CCDC126: variants seen among roughly 807,000 people sequenced by gnomAD.
CCDC126 encodes the protein coiled-coil domain-containing protein 126.
In CCDC126, 5 loss-of-function variants were observed where a neutral mutation model predicts 11.7. The observed-to-expected ratio is 0.43, with a 90% CI of 0.22 to 0.90. The LOEUF (loss-of-function observed/expected upper bound fraction) is 0.90. Among genes scored for constraint, CCDC126 ranks in the 40% least tolerant of loss-of-function variants. The pLI is 0.27. For synonymous variants in CCDC126, 60 were observed against 61.9 expected (o/e 0.97, Z 0.14); for missense variants, 150 against 163.1 (o/e 0.92, Z 0.44).
At chr7:23,599,324 G>A (rs933045308) in intron 2 of CCDC126, among the ~76,000 whole-genome samples, 7 of 152,088 alleles carry the variant, frequency 4.6e-5, no homozygotes, top group Non-Finnish European at 1.0e-4. Context: ...CCAACTGCCT[G>A]GTTTTCCCTG....
intron 3 of CCDC126, chr7:23,622,531 C>A: frequency 5.8e-6 from 3 of 512,900 alleles, no homozygotes; most frequent in South Asian, 4.5e-5. Flanking sequence ...CAACGATGGA[C>A]TGTCTGTATG....
At chr7:23,630,865 A>T (rs896564261) in intron 3 of CCDC126, among the ~76,000 whole-genome samples, 1 of 152,032 alleles carries the variant, frequency 6.6e-6, no homozygotes, top group Non-Finnish European at 1.5e-5. Context: ...GAAATCAATA[A>T]TGGAAAGATG....
At chr7:23,612,431 T>G (rs1260915553) in intron 3 of CCDC126, among the ~76,000 whole-genome samples, 1 of 118,734 alleles carries the variant, frequency 8.4e-6, no homozygotes, top group Non-Finnish European at 1.6e-5. Context: ...GTCGAGATTG[T>G]GCCACTGAAT....
At chr7:23,603,627 G>C (rs1013314053) in intron 2 of CCDC126, among the ~76,000 whole-genome samples, 2 of 152,092 alleles carry the variant, frequency 1.3e-5, no homozygotes, top group Non-Finnish European at 2.9e-5. Flanking sequence ...TGAAATGCGA[G>C]GGAAATGGAT....
intron 2 of CCDC126, among the ~76,000 whole-genome samples, chr7:23,604,638 A>T (rs990282189): frequency 1.3e-5 from 2 of 152,134 alleles, no homozygotes; most frequent in Admixed American, 1.3e-4. Context: ...ATAAGTGAGG[A>T]TATCAGGCCT....
rs1020858860 is a variant in CCDC126 at position 23,605,400 on chromosome 7, TGTGTGTGTGTGTGTGTGTG to T, written c.-145-5770_-145-5752del. On this transcript the variant is annotated intron_variant, in intron 2 of 3. Transcript: ENST00000307471. The stretch of plus-strand genomic sequence containing the variant: ...TTTAAGCAGGAGAATGTGATATGCT[TGTGTGTGTGTGTGTGTGTG>T]TGTGTGTGTGTGTGTGTGTGTGTGG... Among the ~76,000 whole-genome samples, 6 of 530 alleles carry T rather than the reference TGTGTGTGTGTGTGTGTGTG, an allele frequency of 0.011. No homozygotes were observed. In the African/African-American group the frequency reaches 0.12, roughly 11 times the overall value. 0.3% of individuals were successfully genotyped at this position (530 alleles called of 152,430 possible). A position where few individuals can be genotyped will look rare whatever the true frequency, so the allele number is the denominator to read the frequency against.
chr7:23,642,523 G>A (rs1783380367), intron 3 of CCDC126, among the ~76,000 whole-genome samples: 1 of 152,096 alleles, frequency 6.6e-6, no homozygotes, highest in South Asian at 2.1e-4. Context: ...AGCACTTTGG[G>A]AGGCCGAGGA....
intron 3 of CCDC126, among the ~76,000 whole-genome samples, chr7:23,638,840 G>A (rs1281587792): frequency 8.6e-6 from 1 of 116,466 alleles, no homozygotes; most frequent in Non-Finnish European, 1.7e-5. Context: ...GTTTGATTAT[G>A]ATGTAATACA....
Position 23,639,660 on chromosome 7 carries a change from A to C in CCDC126, c.239-3271A>C, listed in dbSNP as rs1346020125. 6.6e-5 allele frequency among the ~76,000 whole-genome samples: 10 copies of C among 152,332 alleles called. No individual in the cohort carries two copies. The South Asian group carries it at 2.1e-3, about 32-fold the overall frequency. On this transcript the variant is annotated intron_variant, in intron 3 of 3. Transcript: ENST00000307471. ...TTTAAACTAGAATGTTGAGGTGTTC[A>C]TGATGAATGATGCCAGAGATGCACT...
In CCDC126 at chr7:23,609,332, C is replaced by T. The variant is rs1447707069; in HGVS notation, c.-145-1839C>T. Among the ~76,000 whole-genome samples, 13 of 152,016 alleles carry T rather than the reference C, an allele frequency of 8.6e-5. No homozygotes were observed. The East Asian group carries it at 9.7e-4, about 11-fold the overall frequency. ...CCTAGTAGCTGGGATTACAAGCATG[C>T]GCCACCACGTCCGGCTAATTTTGTA... On this transcript the variant is annotated intron_variant, in intron 2 of 3. Coordinates refer to ENST00000307471, the MANE Select transcript of CCDC126 (RefSeq NM_138771.4).
chr7:23,641,285 TACTG>T (rs751289108), intron 3 of CCDC126, among the ~76,000 whole-genome samples: 2 of 152,202 alleles, frequency 1.3e-5, no homozygotes, highest in African/African-American at 2.4e-5. Context: ...TTCATGTACT[TACTG>T]GCCATTTGCA....
chr7:23,640,495 C>G (rs1206701136), intron 3 of CCDC126, among the ~76,000 whole-genome samples: 1 of 151,594 alleles, frequency 6.6e-6, no homozygotes, highest in Non-Finnish European at 1.5e-5. Flanking sequence ...GAAACTCTGT[C>G]TCAAAAAAAA....
intron 3 of CCDC126, among the ~76,000 whole-genome samples, chr7:23,631,933 C>A (rs576039726): frequency 6.6e-6 from 1 of 152,082 alleles, no homozygotes; most frequent in South Asian, 2.1e-4. Flanking sequence ...ATTCCTAGTT[C>A]ATTTTATAAA....
intron 3 of CCDC126, among the ~76,000 whole-genome samples, chr7:23,617,957 C>T (rs893613317): frequency 2.6e-5 from 4 of 152,160 alleles, no homozygotes; most frequent in African/African-American, 9.7e-5. Context: ...CAATTCCCTA[C>T]AGATACAGAG....
chr7:23,602,713 C>A (rs1782563885), intron 2 of CCDC126, among the ~76,000 whole-genome samples: 1 of 152,134 alleles, frequency 6.6e-6, no homozygotes, highest in Admixed American at 6.5e-5. Flanking sequence ...TGTACTTCCT[C>A]CTCTTTCTGA....
At chr7:23,610,993 T>A (rs1294414186) in intron 2 of CCDC126, among the ~76,000 whole-genome samples, 178 bp from the exon 3 acceptor site, 1 of 152,184 alleles carries the variant, frequency 6.6e-6, no homozygotes, top group Non-Finnish European at 1.5e-5. Flanking sequence ...AGTTTAAACT[T>A]TGAAAAGATA....
chr7:23,624,844 A>G (rs1234098677), intron 3 of CCDC126, among the ~76,000 whole-genome samples: 3 of 152,108 alleles, frequency 2.0e-5, no homozygotes, highest in Non-Finnish European at 4.4e-5. Context: ...ATATTATTTC[A>G]TTTTATTTTA....
rs1322971481 is a variant in CCDC126 at position 23,638,738 on chromosome 7, A to C, written c.239-4193A>C. 2.9e-3 allele frequency among the ~76,000 whole-genome samples: 409 copies of C among 140,498 alleles called. 5 individuals carry two copies. Among genetic ancestry groups the C allele is most frequent in the African/African-American group, 9.6e-3 (381 of 39,672 alleles). 92.2% of individuals were successfully genotyped at this position (140,498 alleles called of 152,430 possible). On this transcript the variant is annotated intron_variant, in intron 3 of 3. Coordinates refer to ENST00000307471, the MANE Select transcript of CCDC126 (RefSeq NM_138771.4). ...AAAAAAAAAAAAATTAAAAAAAAAA[A>C]AAAAAAAACCAAAAAGATCTATAGC... is the stretch of plus-strand genomic sequence containing the variant.
rs1344416236 is a variant in CCDC126, at chr7:23,623,520, C to T, written c.238+11967C>T. 1.1e-4 allele frequency among the ~76,000 whole-genome samples: 16 copies of T among 150,662 alleles called. No homozygotes were observed. In the Admixed American group the frequency reaches 1.1e-3, roughly 10 times the overall value. On this transcript the variant is annotated intron_variant, in intron 3 of 3. Coordinates refer to ENST00000307471, the MANE Select transcript of CCDC126 (RefSeq NM_138771.4). ...CTGAGGCAGGAGAGTCACTTGAACC[C>T]AGAAGGCAGAGGTTGTGGTGGGCCG...
Sources: gnomAD v4.1 joint callset for allele counts (sites outside exome capture counted in the v4.1 genomes callset) on GRCh38, gnomAD v4.1.1 for gene constraint, MANE v1.5 for transcripts, NCBI Gene and HGNC (gene_info 2026-07-23, HGNC 2026-07-21) for gene names.